C6orf132: variants seen among roughly 807,000 people sequenced by gnomAD.
C6orf132 encodes the protein chromosome 6 open reading frame 132, also known as uncharacterized protein C6orf132.
A neutral mutation model predicts 65.3 loss-of-function variants in C6orf132; 43 were observed. The observed-to-expected ratio is 0.66, with a 90% confidence interval of 0.52 to 0.85. The LOEUF (loss-of-function observed/expected upper bound fraction) is 0.85. Among genes scored for constraint, C6orf132 ranks in the 40% least tolerant of loss-of-function variants. The pLI is 0.00. For missense variants in C6orf132, 1,488 were observed against 1,548.8 expected, an observed-to-expected ratio of 0.96 and a Z score of 0.66; for synonymous variants, 631 against 654.1, an observed-to-expected ratio of 0.96 and a Z score of 0.54.
intron 2 of C6orf132, among the ~76,000 whole-genome samples, chr6:42,114,573 C>T (rs74552155): frequency 0.011 from 1,626 of 152,372 alleles, 26 homozygotes; most frequent in African/African-American, 0.037. Context: ...AGGCAGCTGG[C>T]ATCAAGTGCA....
intron 1 of C6orf132, among the ~76,000 whole-genome samples, chr6:42,142,008 G>C (rs1489313161): frequency 1.3e-5 from 2 of 152,172 alleles, no homozygotes; most frequent in African/African-American, 2.4e-5. Context: ...TCGCCAAGAG[G>C]GGGAATTAAA....
At chr6:42,114,987 CAG>C (rs1157032777) in intron 2 of C6orf132, among the ~76,000 whole-genome samples, 1 of 141,126 alleles carries the variant, frequency 7.1e-6, no homozygotes, top group African/African-American at 2.7e-5. Flanking sequence ...GCCTGGGCGA[CAG>C]AGAGAGACTC....
rs562867281 is a variant in C6orf132, at chr6:42,103,789, G to A, written c.3539C>T (p.Ser1180Leu). Residue 1180 changes from serine (S) to leucine (L), a missense_variant, in exon 5 of 5, where the codon TCA becomes TTA. Physicochemically the swap from Ser to Leu is moderately radical, Grantham distance 145. Coordinates refer to ENST00000341865, the MANE Select transcript of C6orf132 (RefSeq NM_001164446.3). ...GGAGGTGGCTTTCCGATGGGCCCCT[G>A]AGCAGACATAGGAGATGGGATGGCG... Reference protein sequence around the residue: ...GTRHPISYVCSGAHRKATS With the variant: ...GTRHPISYVCLGAHRKATS 1 of 1,467,644 alleles carries A rather than the reference G, an allele frequency of 6.8e-7. No homozygotes were observed. Among genetic ancestry groups the A allele is most frequent in the African/African-American group, 1.4e-5 (1 of 69,766 alleles). 90.9% of individuals were successfully genotyped at this position (1,467,644 alleles called of 1,614,324 possible).
In C6orf132 at chr6:42,115,949, T is replaced by TG. The variant is rs1253863001; in HGVS notation, c.253-5659dup. On this transcript the variant is annotated intron_variant, in intron 2 of 4. Coordinates refer to ENST00000341865, the MANE Select transcript of C6orf132 (RefSeq NM_001164446.3). The stretch of plus-strand genomic sequence containing the variant: ...TTTTCTTTTTCTTTTTTTTTTTTTT[T>TG]GAGATGGTCTCGCTGTGTCGCCCAG... Among the ~76,000 whole-genome samples the TG allele has an allele frequency of 4.1e-4, 60 of 146,434 alleles. 1 individual carries two copies. The highest frequency in any genetic ancestry group is 1.4e-3 in the Admixed American group (21 of 14,766).
intron 1 of C6orf132, among the ~76,000 whole-genome samples, chr6:42,141,373 GC>G (rs541031598): frequency 2.6e-5 from 4 of 152,154 alleles, no homozygotes; most frequent in African/African-American, 4.8e-5. Flanking sequence ...GAAGCCCCCT[GC>G]CCCCCCAACC....
chr6:42,105,623 T>C lies in C6orf132; in HGVS notation c.2289A>G (p.Gly763=). The C allele has an allele frequency of 2.0e-6, 3 of 1,537,052 alleles. No homozygotes were observed. Among genetic ancestry groups the C allele is most frequent in the South Asian group, 1.2e-5 (1 of 84,066 alleles). The change falls in exon 4 of 5, where the codon GGA becomes GGG. Residue 763 remains glycine, a synonymous_variant. Coordinates refer to ENST00000341865, the MANE Select transcript of C6orf132 (RefSeq NM_001164446.3). ...AFPPKTSPGG[G]EVPCLYKPHC... is the part of the protein sequence containing the mutation. ...GGGGCTTGTAGAGACATGGCACCTCTCCTCCACCAGGAGATGTCTTTGGTG... is the reference window on the plus strand; with the variant it reads ...GGGGCTTGTAGAGACATGGCACCTCCCCTCCACCAGGAGATGTCTTTGGTG...
At chr6:42,138,687 T>A (rs1766988787) in intron 1 of C6orf132, among the ~76,000 whole-genome samples, 1 of 152,206 alleles carries the variant, frequency 6.6e-6, no homozygotes, top group Non-Finnish European at 1.5e-5. Context: ...GGTGTCCCAT[T>A]GCTGGTGGCG....
rs1039757534 is a variant in C6orf132 at position 42,128,738 on chromosome 6, G to C, written c.186C>G (p.Ser62Arg). The C allele has an allele frequency of 6.4e-7, 1 of 1,551,458 alleles. No homozygotes were observed. Among genetic ancestry groups the C allele is most frequent in the Non-Finnish European group, 8.7e-7 (1 of 1,146,878 alleles). The change falls in exon 2 of 5, where the codon AGC (serine) becomes AGG (arginine). Residue 62 changes from serine to arginine, a missense_variant. Coordinates refer to ENST00000341865, the MANE Select transcript of C6orf132 (RefSeq NM_001164446.3). ...YYGDNRFNTV[S>R]ESGTATLKAR... ...CTTTCAGCGTGGCTGTTCCTGACTC[G>C]CTCACTGTGTTAAACCGATTGTCTC... is the stretch of plus-strand genomic sequence containing the variant.
chr6:42,104,772 C>T lies in C6orf132; in HGVS notation c.3140G>A (p.Gly1047Glu). ...SRFPAGARYA[G>E]AGGLERFSGG... is the part of the protein sequence containing the mutation. The stretch of plus-strand genomic sequence containing the variant: ...CGAGAAGCGCTCCAGGCCCCCAGCC[C>T]CGGCGTAGCGCGCGCCCGCGGGAAA... Residue 1047 changes from glycine (G) to glutamate (E), a missense_variant, in exon 4 of 5, where the codon GGG becomes GAG. Physicochemically the swap from Gly to Glu is moderately conservative, Grantham distance 98. Coordinates refer to ENST00000341865, the MANE Select transcript of C6orf132 (RefSeq NM_001164446.3). The surrounding 1 kb of genome is among the most constrained non-coding windows in gnomAD (Gnocchi z 4.1). The T allele has an allele frequency of 3.3e-6, 5 of 1,510,794 alleles. No homozygotes were observed. Among genetic ancestry groups the T allele is most frequent in the Non-Finnish European group, 4.4e-6 (5 of 1,136,292 alleles). 93.6% of individuals were successfully genotyped at this position (1,510,794 alleles called of 1,614,324 possible).
chr6:42,108,970 AG>A (rs1383756550), intron 3 of C6orf132, among the ~76,000 whole-genome samples: 2 of 152,232 alleles, frequency 1.3e-5, no homozygotes, highest in Non-Finnish European at 2.9e-5. Flanking sequence ...GCTGGGGTAC[AG>A]CAGCAAAAAA....
intron 2 of C6orf132, among the ~76,000 whole-genome samples, chr6:42,122,170 G>A (rs1265346021): frequency 3.9e-5 from 6 of 152,220 alleles, no homozygotes; most frequent in Non-Finnish European, 5.9e-5. Context: ...ATCTTCCTCT[G>A]GACCTATCTA....
At chr6:42,110,760 A>G (rs1766482309) in intron 2 of C6orf132, among the ~76,000 whole-genome samples, 1 of 152,236 alleles carries the variant, frequency 6.6e-6, no homozygotes, top group Non-Finnish European at 1.5e-5. Context: ...TTTTTGTATG[A>G]CAGCTAAAAC....
chr6:42,119,248 C>CAAAAAAAAAAAAAAAA (rs1156356191), intron 2 of C6orf132, among the ~76,000 whole-genome samples: 3 of 44,776 alleles, frequency 6.7e-5, no homozygotes, highest in African/African-American at 2.9e-4. Flanking sequence ...GACTCTGTCT[C>CAAAAAAAAAAAAAAAA]AAAAAAAAAA....
At chr6:42,114,979 C>A (rs1766542925) in intron 2 of C6orf132, among the ~76,000 whole-genome samples, 1 of 148,622 alleles carries the variant, frequency 6.7e-6, no homozygotes, top group South Asian at 2.1e-4. Flanking sequence ...GCACTCCAGC[C>A]TGGGCGACAG....
chr6:42,112,592 CCT>C (rs920527181), intron 2 of C6orf132, among the ~76,000 whole-genome samples: 18 of 152,332 alleles, frequency 1.2e-4, no homozygotes, highest in African/African-American at 4.1e-4. Context: ...GGAGCCATCC[CCT>C]GTCCGCACCA....
chr6:42,128,571 G>T (rs1390108505), intron 2 of C6orf132, 101 bp downstream of exon 2: 1 of 843,466 alleles, frequency 1.2e-6, no homozygotes, highest in East Asian at 2.7e-5. Flanking sequence ...CAGGAAGGAA[G>T]GGGTGGACAG....
Position 42,103,688 on chromosome 6 carries a change from C to A in C6orf132, c.*73G>T. 8 of 1,001,334 alleles carry A rather than the reference C, an allele frequency of 8.0e-6. No homozygotes were observed. The highest frequency in any genetic ancestry group is 1.1e-5 in the Non-Finnish European group (8 of 756,006). 62.0% of individuals were successfully genotyped at this position (1,001,334 alleles called of 1,614,324 possible). A position where few individuals can be genotyped will look rare whatever the true frequency, so the allele number is the denominator to read the frequency against. On this transcript the variant is annotated 3_prime_UTR_variant, in exon 5 of 5. Transcript: ENST00000341865. ...CCCAACACCTGCTGTGTACCTCCCA[C>A]CCCCCACAAGAAACAAGTGCCCAGA...
chr6:42,117,443 T>C lies in C6orf132; in HGVS notation c.253-7152A>G, dbSNP rs575453332. ...CCAGTACAGTGTTTGCTCTCATACT[T>C]TCCCTCTAACACAACTCTATGTCTA... is the stretch of plus-strand genomic sequence containing the variant. On this transcript the variant is annotated intron_variant, in intron 2 of 4. Transcript: ENST00000341865. 1.1e-3 allele frequency among the ~76,000 whole-genome samples: 165 copies of C among 152,164 alleles called. 1 individual carries two copies. Among genetic ancestry groups the C allele is most frequent in the Admixed American group, 4.8e-3 (73 of 15,288 alleles).
chr6:42,140,988 A>G (rs1041353815), intron 1 of C6orf132, among the ~76,000 whole-genome samples: 1 of 152,204 alleles, frequency 6.6e-6, no homozygotes, highest in African/African-American at 2.4e-5. Context: ...TTGTTTTGCC[A>G]GGAATGCCCT....
Sources: gnomAD v4.1 joint callset for allele counts (sites outside exome capture counted in the v4.1 genomes callset) on GRCh38, gnomAD v4.1.1 for gene constraint, Gnocchi (gnomAD v3.1) non-coding constraint, MANE v1.5 for transcripts, NCBI Gene and HGNC (gene_info 2026-07-23, HGNC 2026-07-21) for gene names.